Variants in CLDN10 observed in about 807,000 individuals in gnomAD.
The protein encoded by CLDN10 is claudin-10.
A neutral mutation model predicts 22.9 loss-of-function variants in CLDN10; 15 were observed. The ratio of observed to expected loss-of-function variants is 0.65; its 90% CI spans 0.44 to 1.01. CLDN10 has a LOEUF of 1.01. Among genes scored for constraint, CLDN10 ranks in the 50% least tolerant of loss-of-function variants. The pLI, the probability that CLDN10 is intolerant of heterozygous loss-of-function variation, is 0.00. For missense variants in CLDN10, 247 were observed against 287.8 expected (o/e 0.86, Z 1.03); for synonymous variants, 114 against 111.4 (o/e 1.02, Z -0.15).
chr13:95,524,846 A>ATTTT (rs2043262722), intron 1 of CLDN10, among the ~76,000 whole-genome samples: 2 of 147,160 alleles, frequency 1.4e-5, no homozygotes, highest in Non-Finnish European at 3.0e-5. Context: ...TTTATTTTTT[A>ATTTT]TTTTATTTAT....
At chr13:95,525,155 G>C (rs2043267928) in intron 1 of CLDN10, among the ~76,000 whole-genome samples, 1 of 152,112 alleles carries the variant, frequency 6.6e-6, no homozygotes, top group African/African-American at 2.4e-5. Context: ...ACCACTCCTG[G>C]CCTATTTGTA....
intron 1 of CLDN10, among the ~76,000 whole-genome samples, chr13:95,454,997 G>A (rs1333487685): frequency 6.6e-6 from 1 of 152,050 alleles, no homozygotes; most frequent in African/African-American, 2.4e-5. Context: ...GACCAGCCTG[G>A]GCAACGTAGT....
intron 1 of CLDN10, among the ~76,000 whole-genome samples, chr13:95,452,719 T>A (rs1341636148): frequency 3.9e-5 from 6 of 152,230 alleles, no homozygotes; most frequent in Non-Finnish European, 8.8e-5. Flanking sequence ...CGAGATAGCC[T>A]GGTACCATTT....
At chr13:95,451,736 C>G (rs967801480) in intron 1 of CLDN10, among the ~76,000 whole-genome samples, 1 of 152,284 alleles carries the variant, frequency 6.6e-6, no homozygotes, top group East Asian at 1.9e-4. Context: ...GGAAGAGCAC[C>G]CTGCATAAAA....
chr13:95,447,948 G>A (rs2042396472), intron 1 of CLDN10, among the ~76,000 whole-genome samples: 1 of 152,138 alleles, frequency 6.6e-6, no homozygotes, highest in Non-Finnish European at 1.5e-5. Flanking sequence ...GTGCAGCTAT[G>A]CCGCCTCTCC....
intron 1 of CLDN10, among the ~76,000 whole-genome samples, chr13:95,456,956 C>A (rs1039021318): frequency 1.3e-5 from 2 of 152,086 alleles, no homozygotes; most frequent in Non-Finnish European, 2.9e-5. Context: ...CTGATATGTA[C>A]AAATATGTAA....
chr13:95,435,287 G>C (rs1483616531), intron 1 of CLDN10, among the ~76,000 whole-genome samples: 3 of 152,102 alleles, frequency 2.0e-5, no homozygotes, highest in Non-Finnish European at 4.4e-5. Context: ...GTAAAATATA[G>C]ACTTTTCACA....
rs535236680 is a variant in CLDN10 at position 95,577,159 on chromosome 13, G to A, written c.465-72G>A. The A allele has an allele frequency of 9.6e-5, 91 of 943,622 alleles. No individual in the cohort carries two copies. In the South Asian group the frequency reaches 1.3e-3, roughly 14 times the overall value. 58.5% of individuals were successfully genotyped at this position (943,622 alleles called of 1,614,324 possible). A position where few individuals can be genotyped will look rare whatever the true frequency, so the allele number is the denominator to read the frequency against. ...ACATAATAAGCATTTAGTAAATGTT[G>A]ACTATCAGTGTTAAATACTGTTTAC... On this transcript the variant is annotated intron_variant, in intron 3 of 4. Coordinates refer to ENST00000299339, the MANE Select transcript of CLDN10 (RefSeq NM_006984.5).
In CLDN10 at chr13:95,533,914, C is replaced by G. The variant is rs551307361; in HGVS notation, c.215-26218C>G. 2.6e-5 allele frequency: 4 copies of G among 152,362 alleles called. No homozygotes were observed. In the South Asian group the frequency reaches 8.3e-4, roughly 32 times the overall value. 9.4% of individuals were successfully genotyped at this position (152,362 alleles called of 1,614,324 possible). The stretch of plus-strand genomic sequence containing the variant: ...GCTCTGTCTGCCAGGCTCTCCTCCC[C>G]GGCACCAGGCTTGAGTATTCCGCCT... On this transcript the variant is annotated intron_variant, in intron 1 of 4. Coordinates refer to the CLDN10 transcript ENST00000376873.
chr13:95,527,642 A>G (rs78553588), intron 1 of CLDN10, among the ~76,000 whole-genome samples: 15,050 of 152,148 alleles, frequency 0.099, 897 homozygotes, highest in Middle Eastern at 0.13. Context: ...AGGCTGAGGC[A>G]GGAGAATCAC....
At chr13:95,491,071 C>T (rs1273385124) in intron 1 of CLDN10, among the ~76,000 whole-genome samples, 1 of 152,166 alleles carries the variant, frequency 6.6e-6, no homozygotes, top group Non-Finnish European at 1.5e-5. Context: ...ATAAGAATAA[C>T]TACCCCTGCT....
At chr13:95,490,025 T>A (rs1305584131) in intron 1 of CLDN10, among the ~76,000 whole-genome samples, 1 of 152,250 alleles carries the variant, frequency 6.6e-6, no homozygotes, top group African/African-American at 2.4e-5. Context: ...ATCAGTTGGC[T>A]GTAAGTATTT....
chr13:95,444,629 CAAG>C (rs1224959903), intron 1 of CLDN10, among the ~76,000 whole-genome samples: 10 of 152,334 alleles, frequency 6.6e-5, no homozygotes, highest in Non-Finnish European at 1.3e-4. Flanking sequence ...CGAAGTTTCA[CAAG>C]AAGTTTGCCA....
At chr13:95,506,291 C>G (rs2043037962) in intron 1 of CLDN10, among the ~76,000 whole-genome samples, 1 of 152,148 alleles carries the variant, frequency 6.6e-6, no homozygotes. Flanking sequence ...TCTGCTACAG[C>G]AGCCTTCTCT....
chr13:95,476,525 G>A (rs575263640), intron 1 of CLDN10, among the ~76,000 whole-genome samples: 76 of 152,222 alleles, frequency 5.0e-4, no homozygotes, highest in Non-Finnish European at 3.4e-4. Flanking sequence ...ACCTCCCAAC[G>A]CCATCACCTT....
chr13:95,518,494 G>A (rs1485048632), intron 1 of CLDN10, among the ~76,000 whole-genome samples: 1 of 152,134 alleles, frequency 6.6e-6, no homozygotes, highest in Non-Finnish European at 1.5e-5. Flanking sequence ...GGTGGTTCAC[G>A]CCTGTAATCC....
At chr13:95,551,719 G>T (rs963661534), upstream of CLDN10, among the ~76,000 whole-genome samples, 2 of 152,178 alleles carry the variant, frequency 1.3e-5, no homozygotes, top group East Asian at 1.9e-4. Context: ...GAACCTTTAA[G>T]TGGACAAATA....
intron 1 of CLDN10, among the ~76,000 whole-genome samples, chr13:95,531,690 T>G (rs757646637): frequency 2.0e-5 from 3 of 150,522 alleles, no homozygotes; most frequent in Non-Finnish European, 4.4e-5. Context: ...CCACCACGCC[T>G]GGCTAATTTT....
chr13:95,543,218 C>A (rs746860424), intron 1 of CLDN10, among the ~76,000 whole-genome samples: 2 of 150,356 alleles, frequency 1.3e-5, no homozygotes, highest in Non-Finnish European at 3.0e-5. Flanking sequence ...GGCGACAGAG[C>A]GAGACTCTGT....
Sources: allele counts gnomAD v4.1 joint callset (sites outside exome capture counted in the v4.1 genomes callset), GRCh38; gene constraint gnomAD v4.1.1; transcripts MANE v1.5; gene names NCBI Gene and HGNC (gene_info 2026-07-23, HGNC 2026-07-21).